ANKRD18B: variants seen among roughly 807,000 people sequenced by gnomAD.
ANKRD18B encodes ankyrin repeat domain-containing protein 18B.
ANKRD18B carries 75 observed loss-of-function variants against 111.8 expected under a neutral mutation model. That is an observed-to-expected ratio of 0.67 (90% CI 0.56 to 0.81). The LOEUF is 0.81. ANKRD18B is among the 40% of genes least tolerant of loss of function. The pLI, the probability that ANKRD18B is intolerant of heterozygous loss-of-function variation, is 0.00. For missense variants in ANKRD18B, 1,038 were observed against 1,225.5 expected, an observed-to-expected ratio of 0.85 and a Z score of 2.28; for synonymous variants, 356 against 417.3, an observed-to-expected ratio of 0.85 and a Z score of 1.79.
intron 4 of ANKRD18B, 75 bp from the exon 5 acceptor site, chr9:33,534,295 G>C: frequency 1.4e-6 from 2 of 1,469,832 alleles, no homozygotes; most frequent in Non-Finnish European, 1.8e-6. Context: ...TATGAAATTG[G>C]TAAAGTGTAT....
At chr9:33,530,946 G>A (rs1216166025) in intron 3 of ANKRD18B, among the ~76,000 whole-genome samples, 1 of 152,140 alleles carries the variant, frequency 6.6e-6, no homozygotes, top group Non-Finnish European at 1.5e-5. Context: ...TTCATTACAA[G>A]TGAGATTTTC....
intron 1 of ANKRD18B, among the ~76,000 whole-genome samples, chr9:33,527,528 G>T (rs1271023077): frequency 6.6e-6 from 1 of 152,146 alleles, no homozygotes; most frequent in East Asian, 1.9e-4. Flanking sequence ...CACCATGTTG[G>T]TCAGGCTGGT....
intron 10 of ANKRD18B, among the ~76,000 whole-genome samples, chr9:33,544,703 G>C (rs1269162166): frequency 9.2e-5 from 14 of 152,088 alleles, no homozygotes; most frequent in Admixed American, 5.2e-4. Context: ...TGGGTGTGGT[G>C]GTGCATGCCT....
At chr9:33,568,971 G>A in intron 17 of ANKRD18B, 78 bp downstream of exon 17, 1 of 1,298,350 alleles carries the variant, frequency 7.7e-7, no homozygotes, top group Non-Finnish European at 1.0e-6. Flanking sequence ...GAAATACTGA[G>A]TTGTTCTGTT....
chr9:33,574,142 G>A (rs1731131371), downstream of ANKRD18B, among the ~76,000 whole-genome samples: 1 of 139,472 alleles, frequency 7.2e-6, no homozygotes, highest in Non-Finnish European at 1.6e-5. Context: ...CTGGTAAATT[G>A]TGGTCTTGTC....
chr9:33,534,962 C>T (rs541191), intron 5 of ANKRD18B, among the ~76,000 whole-genome samples: 7 of 151,568 alleles, frequency 4.6e-5, no homozygotes, highest in Non-Finnish European at 1.5e-5. Context: ...TATTGGGTCT[C>T]GAAATGTCCA....
At chr9:33,561,847 T>C (rs1828613270) in intron 14 of ANKRD18B, among the ~76,000 whole-genome samples, 1 of 152,256 alleles carries the variant, frequency 6.6e-6, no homozygotes, top group African/African-American at 2.4e-5. Flanking sequence ...TTTTAGATTA[T>C]CAATTCTTAG....
chr9:33,527,792 G>C lies in ANKRD18B; in HGVS notation c.207-935G>C, dbSNP rs529964101. Among the ~76,000 whole-genome samples, 812 of 152,190 alleles carry C rather than the reference G, an allele frequency of 5.3e-3. 5 individuals are homozygous for C. The highest frequency in any genetic ancestry group is 0.019 in the African/African-American group (772 of 41,504). On this transcript the variant is annotated intron_variant, in intron 1 of 18. Coordinates refer to ENST00000684830, the MANE Select transcript of ANKRD18B (RefSeq NM_001393611.1). ...TATACAGTATTCTACTTAATGTAAG[G>C]CCTCATGGATTGTGTGATATCCTAC...
At position 33,524,552 on chromosome 9, in the gene ANKRD18B, A is replaced by G. The variant is rs1411010561; in HGVS notation, c.63A>G (p.Gln21=). 1 of 1,551,272 alleles carries G rather than the reference A, an allele frequency of 6.4e-7. No individual in the cohort carries two copies. The highest frequency in any genetic ancestry group is 2.0e-5 in the Admixed American group (1 of 50,978). ...LGQALLSSMD[Q]EYAGRGYHIR... ...AGGCGCTCCTGAGCTCCATGGACCAAGAGTATGCGGGTCGGGGGTACCACA... is the reference window on the plus strand; with the variant it reads ...AGGCGCTCCTGAGCTCCATGGACCAGGAGTATGCGGGTCGGGGGTACCACA... Residue 21 remains glutamine, a synonymous_variant, in exon 1 of 19, where the codon CAA becomes CAG. Coordinates refer to ENST00000684830, the MANE Select transcript of ANKRD18B (RefSeq NM_001393611.1).
intron 14 of ANKRD18B, among the ~76,000 whole-genome samples, chr9:33,563,819 T>A (rs1828646796): frequency 1.3e-5 from 2 of 152,076 alleles, no homozygotes; most frequent in Non-Finnish European, 2.9e-5. Context: ...TTTTTAAAAA[T>A]ATTCAATAAA....
intron 10 of ANKRD18B, among the ~76,000 whole-genome samples, chr9:33,544,444 AT>A (rs1372673699): frequency 6.6e-6 from 1 of 152,208 alleles, no homozygotes; most frequent in Non-Finnish European, 1.5e-5. Flanking sequence ...AAGCAAATTA[AT>A]TTTCCACTTT....
intron 14 of ANKRD18B, among the ~76,000 whole-genome samples, chr9:33,562,471 T>G (rs1007721707): frequency 2.6e-5 from 4 of 152,186 alleles, no homozygotes; most frequent in Non-Finnish European, 5.9e-5. Context: ...TGCACAGCTC[T>G]GCTTTCTAGC....
chr9:33,533,836 AAGTGTAG>A (rs1828152317), intron 4 of ANKRD18B: 2 of 301,396 alleles, frequency 6.6e-6, no homozygotes, highest in Non-Finnish European at 1.0e-5. Flanking sequence ...TAATTTTATG[AAGTGTAG>A]ACTTTAACTT....
At chr9:33,526,882 T>C (rs1828032060) in intron 1 of ANKRD18B, among the ~76,000 whole-genome samples, 1 of 152,128 alleles carries the variant, frequency 6.6e-6, no homozygotes, top group South Asian at 2.1e-4. Context: ...AAAATATTGG[T>C]TTATAGAAGT....
intron 3 of ANKRD18B, among the ~76,000 whole-genome samples, chr9:33,531,038 G>T (rs923660752): frequency 6.6e-6 from 1 of 152,082 alleles, no homozygotes; most frequent in Non-Finnish European, 1.5e-5. Context: ...GTCTGTTAAG[G>T]TTATAGAGCT....
intron 13 of ANKRD18B, among the ~76,000 whole-genome samples, chr9:33,557,737 G>A (rs891195228): frequency 2.6e-5 from 4 of 151,934 alleles, no homozygotes; most frequent in Admixed American, 2.0e-4. Flanking sequence ...GCAGTGAGCC[G>A]TGATCACGCC....
chr9:33,558,142 A>G lies in ANKRD18B; in HGVS notation c.2415A>G (p.Thr805=), dbSNP rs575226518. Residue 805 remains threonine, a synonymous_variant, in exon 14 of 19, where the codon ACA becomes ACG. Coordinates refer to ENST00000684830, the MANE Select transcript of ANKRD18B (RefSeq NM_001393611.1). ...EDFSCHGDLN[T]DQLKMDILFK... ...TCAGTTGCCATGGAGACTTAAATAC[A>G]GACCAACTGAAAATGGATATTCTGT... is the stretch of plus-strand genomic sequence containing the variant. 3.7e-6 allele frequency: 6 copies of G among 1,611,646 alleles called. No homozygotes were observed. The South Asian group carries it at 4.4e-5, about 12-fold the overall frequency.
chr9:33,528,776 C>G lies in ANKRD18B; in HGVS notation c.256C>G (p.Leu86Val), dbSNP rs554514074. The stretch of plus-strand genomic sequence containing the variant: ...CCATGGCCGTGTGCAAGTGGTCACT[C>G]TCTTGCTGGACAGAAAATGCCAGAT... ...CAHGRVQVVTLLLDRKCQINI... is the reference protein window; with the variant it reads ...CAHGRVQVVTVLLDRKCQINI... The change falls in exon 2 of 19, where the codon CTC becomes GTC. Residue 86 changes from leucine to valine, a missense_variant. Physicochemically the swap from Leu to Val is conservative, Grantham distance 32. Coordinates refer to ENST00000684830, the MANE Select transcript of ANKRD18B (RefSeq NM_001393611.1). The G allele has an allele frequency of 1.2e-5, 20 of 1,613,450 alleles. No individual in the cohort carries two copies. Among genetic ancestry groups the G allele is most frequent in the African/African-American group, 2.7e-5 (2 of 75,028 alleles).
chr9:33,535,033 T>G (rs1020043306), intron 5 of ANKRD18B, among the ~76,000 whole-genome samples: 1 of 151,958 alleles, frequency 6.6e-6, no homozygotes, highest in Non-Finnish European at 1.5e-5. Context: ...CTCCTTTGAA[T>G]TTTTCAAAAA....
Sources: allele counts gnomAD v4.1 joint callset (sites outside exome capture counted in the v4.1 genomes callset), GRCh38; gene constraint gnomAD v4.1.1; transcripts MANE v1.5; gene names NCBI Gene and HGNC (gene_info 2026-07-23, HGNC 2026-07-21).